Variants in FBXL7 observed in about 807,000 individuals in gnomAD.
The protein encoded by FBXL7 is F-box/LRR-repeat protein 7.
In FBXL7, 12 loss-of-function variants were observed where a neutral mutation model predicts 38.3. The ratio of observed to expected loss-of-function variants is 0.31; its 90% CI spans 0.20 to 0.51. The LOEUF (loss-of-function observed/expected upper bound fraction) is 0.51, where lower values mean the gene tolerates loss of function less well. Among genes scored for constraint, FBXL7 ranks in the 20% least tolerant of loss-of-function variants. The probability of loss-of-function intolerance (pLI) is 0.98; values close to 1 mark genes in which losing one functional copy is unlikely to be tolerated. For missense variants in FBXL7, 567 were observed against 676.4 expected (o/e 0.84, Z 1.79); for synonymous variants, 297 against 300.9 (o/e 0.99, Z 0.13).
intron 2 of FBXL7, among the ~76,000 whole-genome samples, chr5:15,721,747 T>A (rs1269397172): frequency 6.6e-6 from 1 of 152,160 alleles, no homozygotes; most frequent in Non-Finnish European, 1.5e-5. Flanking sequence ...TTCCTCATTT[T>A]TAGTGTCTGG....
chr5:15,641,539 G>A (rs1014756630), intron 2 of FBXL7, among the ~76,000 whole-genome samples: 19 of 148,622 alleles, frequency 1.3e-4, no homozygotes, highest in African/African-American at 4.2e-4. Context: ...TTAATATTAT[G>A]TGTCAACTTG....
rs932392716 is a variant in FBXL7, at chr5:15,721,780, A to G, written c.127+105708A>G. Among the ~76,000 whole-genome samples, 4 of 151,944 alleles carry G rather than the reference A, an allele frequency of 2.6e-5. No individual in the cohort carries two copies. In the East Asian group the frequency reaches 5.8e-4, roughly 22 times the overall value. The stretch of plus-strand genomic sequence containing the variant: ...TGGTTTTTTAGTTGTTAGTCTTGCT[A>G]TGATATTTTCCCAGGCATATTTCTC... On this transcript the variant is annotated intron_variant, in intron 2 of 3. Coordinates refer to ENST00000504595, the MANE Select transcript of FBXL7 (RefSeq NM_012304.5).
intron 2 of FBXL7, among the ~76,000 whole-genome samples, chr5:15,674,538 C>T (rs1742589174): frequency 6.6e-6 from 1 of 152,270 alleles, no homozygotes; most frequent in Admixed American, 6.5e-5. Flanking sequence ...TATGAATTAT[C>T]CTCTTCCTTT....
chr5:15,742,531 C>G (rs552420081), intron 2 of FBXL7, among the ~76,000 whole-genome samples: 1 of 152,146 alleles, frequency 6.6e-6, no homozygotes. Flanking sequence ...AATGAGCGAG[C>G]AAGGCTAAAG....
At chr5:15,842,421 T>G (rs1738774834) in intron 2 of FBXL7, among the ~76,000 whole-genome samples, 1 of 152,212 alleles carries the variant, frequency 6.6e-6, no homozygotes, top group African/African-American at 2.4e-5. Context: ...TCTTTCGAAT[T>G]TACAGGCTCA....
chr5:15,912,913 C>T (rs1217842988), intron 2 of FBXL7, among the ~76,000 whole-genome samples: 1 of 152,158 alleles, frequency 6.6e-6, no homozygotes, highest in Non-Finnish European at 1.5e-5. Context: ...AAATGTATCC[C>T]AGGTCAATAT....
intron 1 of FBXL7, among the ~76,000 whole-genome samples, chr5:15,578,339 A>G (rs181017523): frequency 2.6e-5 from 4 of 152,324 alleles, no homozygotes; most frequent in Admixed American, 2.0e-4. Flanking sequence ...CCTTTCGGCA[A>G]CAATTAGGAT....
At chr5:15,575,351 T>C (rs566041441) in intron 1 of FBXL7, among the ~76,000 whole-genome samples, 1 of 152,364 alleles carries the variant, frequency 6.6e-6, no homozygotes, top group African/African-American at 2.4e-5. Flanking sequence ...TTTGTTTTTT[T>C]CCTGTAAATG....
intron 2 of FBXL7, among the ~76,000 whole-genome samples, chr5:15,823,519 C>G (rs1179749768): frequency 2.0e-5 from 3 of 152,140 alleles, no homozygotes; most frequent in Non-Finnish European, 1.5e-5. Context: ...GTTATCAAAT[C>G]CAACCTCTCA....
intron 2 of FBXL7, among the ~76,000 whole-genome samples, chr5:15,683,067 C>CTGAA (rs1260069148): frequency 6.6e-6 from 1 of 152,082 alleles, no homozygotes; most frequent in Admixed American, 6.6e-5. Flanking sequence ...GAGATGAGAG[C>CTGAA]TGAAGGTGTA....
intron 1 of FBXL7, among the ~76,000 whole-genome samples, chr5:15,513,037 A>G (rs1484757164): frequency 6.6e-6 from 1 of 152,196 alleles, no homozygotes; most frequent in Non-Finnish European, 1.5e-5. Flanking sequence ...CTTTTGTTTT[A>G]CAAAATACAG....
chr5:15,927,209 CTGTT>C (rs2126456569), intron 2 of FBXL7, among the ~76,000 whole-genome samples: 1 of 152,236 alleles, frequency 6.6e-6, no homozygotes, highest in East Asian at 1.9e-4. Context: ...TGTTTACACT[CTGTT>C]TGTGGTAGCT....
At chr5:15,779,303 A>G (rs10066645) in intron 2 of FBXL7, among the ~76,000 whole-genome samples, 37,115 of 151,940 alleles carry the variant, frequency 0.24, 4,920 homozygotes, top group African/African-American at 0.35. Flanking sequence ...TTATAGTTAA[A>G]TATAATTTAT....
At chr5:15,512,793 A>G (rs1406947794) in intron 1 of FBXL7, among the ~76,000 whole-genome samples, 1 of 152,190 alleles carries the variant, frequency 6.6e-6, no homozygotes, top group East Asian at 1.9e-4. Flanking sequence ...AGTAGAATCT[A>G]CTATGTATTT....
intron 2 of FBXL7, among the ~76,000 whole-genome samples, chr5:15,658,677 T>G (rs1412492564): frequency 6.6e-6 from 1 of 152,024 alleles, no homozygotes; most frequent in Non-Finnish European, 1.5e-5. Context: ...TTGAGAGGGT[T>G]GTGATCGATT....
At chr5:15,647,949 C>A (rs550683351) in intron 2 of FBXL7, among the ~76,000 whole-genome samples, 6 of 152,300 alleles carry the variant, frequency 3.9e-5, no homozygotes, top group African/African-American at 1.4e-4. Context: ...CTCTGTGAAG[C>A]CTGGGGGTGA....
At chr5:15,739,801 A>AT (rs905454723) in intron 2 of FBXL7, among the ~76,000 whole-genome samples, 6 of 152,060 alleles carry the variant, frequency 3.9e-5, no homozygotes, top group African/African-American at 9.7e-5. Context: ...GATTGCTTTC[A>AT]TTTTTTGGCT....
intron 1 of FBXL7, among the ~76,000 whole-genome samples, chr5:15,601,300 A>C (rs1210619224): frequency 6.6e-6 from 1 of 152,114 alleles, no homozygotes; most frequent in Non-Finnish European, 1.5e-5. Flanking sequence ...TGCAAATTGT[A>C]GTGATGTTAT....
intron 3 of FBXL7, among the ~76,000 whole-genome samples, chr5:15,931,211 C>T (rs928976724): frequency 8.5e-5 from 13 of 152,058 alleles, no homozygotes; most frequent in African/African-American, 3.1e-4. Flanking sequence ...GAATATATTG[C>T]AATAACGAGA....
Sources: allele counts gnomAD v4.1 joint callset (sites outside exome capture counted in the v4.1 genomes callset), GRCh38; gene constraint gnomAD v4.1.1; transcripts MANE v1.5; gene names NCBI Gene and HGNC (gene_info 2026-07-23, HGNC 2026-07-21).